Variants in CP observed in about 807,000 individuals in gnomAD.
CP encodes the protein caeruloplasmin.
A neutral mutation model predicts 122.4 loss-of-function variants in CP; 64 were observed. That is an observed-to-expected ratio of 0.52 (90% CI 0.43 to 0.64). The LOEUF is 0.64. CP is among the 30% of genes least tolerant of loss of function. The pLI is 0.00. For synonymous variants in CP, 440 were observed against 436.4 expected (o/e 1.01, Z -0.10); for missense variants, 1,167 against 1,284.4 (o/e 0.91, Z 1.40).
chr3:149,181,259 G>T (rs937759484), intron 14 of CP, among the ~76,000 whole-genome samples: 1 of 152,054 alleles, frequency 6.6e-6, no homozygotes, highest in African/African-American at 2.4e-5. Flanking sequence ...TGGCTGCCTT[G>T]CTGCTGCTCA....
chr3:149,209,499 C>A, intron 3 of CP, 115 bp from the exon 4 acceptor site: 1 of 1,116,324 alleles, frequency 9.0e-7, no homozygotes. Flanking sequence ...TCGAATAAAT[C>A]ACAAGTCTGG....
At chr3:149,192,884 C>A (rs895233028) in intron 9 of CP, among the ~76,000 whole-genome samples, 1 of 151,762 alleles carries the variant, frequency 6.6e-6, no homozygotes, top group South Asian at 2.1e-4. Context: ...ATTAGTAAAA[C>A]GGCAGAGAAC....
rs557918675 is a variant in CP, at chr3:149,186,694, T to G, written c.1903A>C (p.Thr635Pro). Residue 635 changes from threonine (T) to proline (P), a missense_variant, in exon 11 of 19, where the codon ACT becomes CCT. Physicochemically the swap from Thr to Pro is conservative, Grantham distance 38 (BLOSUM62 -1). This residue lies in a region of CP where 525 missense variants were observed against 657.2 expected (regional missense o/e 0.80). Transcript: ENST00000264613. ...ACGACCGAATCTCCTTTGCACATAGTGAGACCCGGCTGATTCCCATACATG... is the reference window on the plus strand; with the variant it reads ...ACGACCGAATCTCCTTTGCACATAGGGAGACCCGGCTGATTCCCATACATG... ...GFMYGNQPGL[T>P]MCKGDSVVWY... 6.2e-7 allele frequency: 1 copy of G among 1,614,176 alleles called. No homozygotes were observed. The highest frequency in any genetic ancestry group is 8.5e-7 in the Non-Finnish European group (1 of 1,180,024).
chr3:149,183,569 G>A lies in CP; in HGVS notation c.2322C>T (p.Tyr774=). The A allele has an allele frequency of 1.9e-6, 3 of 1,600,672 alleles. No homozygotes were observed. The highest frequency in any genetic ancestry group is 2.6e-6 in the Non-Finnish European group (3 of 1,170,244). The change falls in exon 13 of 19, where the codon TAC becomes TAT. Residue 774 remains tyrosine, a synonymous_variant. Coordinates refer to ENST00000264613, the MANE Select transcript of CP (RefSeq NM_000096.4). ...SNAFLDKGEF[Y]IGSKYKKVVY... ...CAACTTTCTTGTACTTTGAGCCTATGTAAAACTCTCCCTTATCTAAAAATG... is the reference window on the plus strand; with the variant it reads ...CAACTTTCTTGTACTTTGAGCCTATATAAAACTCTCCCTTATCTAAAAATG...
intron 6 of CP, among the ~76,000 whole-genome samples, chr3:149,205,380 G>A (rs34079352): frequency 1.3e-5 from 2 of 148,440 alleles, no homozygotes; most frequent in South Asian, 2.1e-4. Context: ...AAGCGGAATC[G>A]CTTCTAGCTG....
Position 149,206,151 on chromosome 3 carries a change from CT to C in CP, c.1208+16del. The C allele has an allele frequency of 6.2e-7, 1 of 1,611,834 alleles. No homozygotes were observed. Among genetic ancestry groups the C allele is most frequent in the Non-Finnish European group, 8.5e-7 (1 of 1,178,278 alleles). ...GGAGAGCATATTTTGAAATAGTACT[CT>C]TTTTTTGTAAATTACCTTCCAGGTG... is the stretch of plus-strand genomic sequence containing the variant. On this transcript the variant is annotated intron_variant, in intron 6 of 18. Coordinates refer to ENST00000264613, the MANE Select transcript of CP (RefSeq NM_000096.4).
chr3:149,184,028 C>CTTTTTTTT lies in CP; in HGVS notation c.2286-431_2286-424dup, dbSNP rs869206210. Reference sequence around the variant, plus strand: ...CCAGGCATTCCCTTTTCACTTACTTCTTTTTTTTTTTTTTTTTTTTTTTTT... The same window carrying CTTTTTTTT: ...CCAGGCATTCCCTTTTCACTTACTTCTTTTTTTTTTTTTTTTTTTTTTTTTTTTTTTTT... On this transcript the variant is annotated intron_variant, in intron 12 of 18. Transcript: ENST00000264613. Among the ~76,000 whole-genome samples, 489 of 63,614 alleles carry CTTTTTTTT rather than the reference C, an allele frequency of 7.7e-3. 53 individuals carry two copies. Among genetic ancestry groups the CTTTTTTTT allele is most frequent in the Middle Eastern group, 0.026 (2 of 78 alleles). The allele number at this position is 63,614 out of a possible 152,430, so 41.7% of individuals were successfully genotyped here.
In CP at chr3:149,181,991, G is replaced by A. The variant is rs200965170; in HGVS notation, c.2554+14C>T. 79 of 1,165,702 alleles carry A rather than the reference G, an allele frequency of 6.8e-5. No homozygotes were observed. Among genetic ancestry groups the A allele is most frequent in the East Asian group, 1.2e-4 (4 of 33,044 alleles). The allele number at this position is 1,165,702 out of a possible 1,614,324, so 72.2% of individuals were successfully genotyped here. On this transcript the variant is annotated intron_variant, in intron 14 of 18. Coordinates refer to ENST00000264613, the MANE Select transcript of CP (RefSeq NM_000096.4). The stretch of plus-strand genomic sequence containing the variant: ...GTTAAAATGCACCACCCCCACCCCC[G>A]CCCCCGTGAGTACCTGGTAATGTTG...
At chr3:149,178,746 C>T in intron 15 of CP, 115 bp from the exon 16 acceptor site, 4 of 760,364 alleles carry the variant, frequency 5.3e-6, no homozygotes, top group Non-Finnish European at 8.9e-6. Flanking sequence ...AAGTAACAGA[C>T]TTTGCCCAAT....
chr3:149,164,456 TCTGACTGCAA>T (rs1576699936), intron 5 of CP, among the ~76,000 whole-genome samples: 1 of 152,212 alleles, frequency 6.6e-6, no homozygotes, highest in East Asian at 1.9e-4. Flanking sequence ...CTTTAATAAT[TCTGACTGCAA>T]CAGTGTTTTG....
chr3:149,186,491 A>C, intron 11 of CP, 29 bp downstream of exon 11: 1 of 1,601,980 alleles, frequency 6.2e-7, no homozygotes, highest in East Asian at 2.2e-5. Flanking sequence ...AAATCCATCC[A>C]ATAGAGACTT....
chr3:149,170,235 G>A (rs1724840602), downstream of CP, among the ~76,000 whole-genome samples: 1 of 152,158 alleles, frequency 6.6e-6, no homozygotes, highest in Non-Finnish European at 1.5e-5. Context: ...TGGGAGAAGA[G>A]GAGAATTGGG....
Position 149,209,213 on chromosome 3 carries a change from T to C in CP, c.779A>G (p.Tyr260Cys). Reference protein sequence around the residue: ...NEDFQESNRMYSVNGYTFGSL... With the variant: ...NEDFQESNRMCSVNGYTFGSL... ...TAACATGTCTGCTGTAATCTTACAA[T>C]ACATTCTGTTACTCTCCTGGAAGTC... The change falls in exon 4 of 19, where the codon TAT (tyrosine) becomes TGT (cysteine). Residue 260 changes from tyrosine to cysteine, a missense_variant and splice_region_variant. Around this residue, in one of 2 missense-constraint regions of CP, gnomAD observed 642 missense variants for 627.3 expected, o/e 1.02. Transcript: ENST00000264613. 2 of 1,613,692 alleles carry C rather than the reference T, an allele frequency of 1.2e-6. No individual in the cohort carries two copies. The highest frequency in any genetic ancestry group is 2.2e-5 in the East Asian group (1 of 44,814).
At chr3:149,208,907 A>G (rs937513583) in intron 4 of CP, among the ~76,000 whole-genome samples, 2 of 152,210 alleles carry the variant, frequency 1.3e-5, no homozygotes, top group Non-Finnish European at 2.9e-5. Flanking sequence ...AGCTGCCTCA[A>G]ATAATTTTTA....
intron 11 of CP, chr3:149,186,078 T>G (rs1029010279): frequency 4.5e-6 from 1 of 220,034 alleles, no homozygotes; most frequent in Non-Finnish European, 9.1e-6. Flanking sequence ...GGTCTGTAGA[T>G]GTCTCTGAAT....
intron 12 of CP, among the ~76,000 whole-genome samples, chr3:149,184,979 G>T (rs918037732): frequency 2.0e-5 from 3 of 152,132 alleles, no homozygotes. Flanking sequence ...ACATGAATGT[G>T]AGAAGACACT....
In CP at chr3:149,173,674, G is replaced by T; in HGVS notation, c.*40C>A. The T allele has an allele frequency of 1.5e-6, 2 of 1,343,620 alleles. No homozygotes were observed. The highest frequency in any genetic ancestry group is 1.3e-5 in the South Asian group (1 of 78,176). 83.2% of individuals were successfully genotyped at this position (1,343,620 alleles called of 1,614,324 possible). On this transcript the variant is annotated 3_prime_UTR_variant, in exon 19 of 19. Transcript: ENST00000264613. ...TTCACATACATTGTTATGAATCATT[G>T]GTTTTTCTCTTTTTTCCACTTATCA...
At chr3:149,209,678 G>T (rs982898104) in intron 3 of CP, among the ~76,000 whole-genome samples, 3 of 152,116 alleles carry the variant, frequency 2.0e-5, no homozygotes, top group African/African-American at 7.2e-5. Flanking sequence ...ATTTTCTGGT[G>T]CATATAGCCA....
intron 1 of CP, among the ~76,000 whole-genome samples, chr3:149,217,638 CT>C (rs1226213903): frequency 6.6e-6 from 1 of 152,182 alleles, no homozygotes; most frequent in African/African-American, 2.4e-5. Context: ...CTTGAATAAA[CT>C]TGTTAAACTT....
Sources: gnomAD v4.1 joint callset for allele counts (sites outside exome capture counted in the v4.1 genomes callset) on GRCh38, gnomAD v4.1.1 for gene constraint, gnomAD v4.1.1 regional missense constraint, MANE v1.5 for transcripts, NCBI Gene and HGNC (gene_info 2026-07-23, HGNC 2026-07-21) for gene names.